Variants in GTF2IRD1 observed in about 807,000 individuals in gnomAD.
GTF2IRD1 encodes general transcription factor II-I repeat domain-containing protein 1.
A neutral mutation model predicts 113.2 loss-of-function variants in GTF2IRD1; 26 were observed. That is an observed-to-expected ratio of 0.23 (90% CI 0.17 to 0.32). The LOEUF (loss-of-function observed/expected upper bound fraction) is 0.32. GTF2IRD1 is among the 10% of genes least tolerant of loss of function. The probability of loss-of-function intolerance (pLI) is 1.00; values close to 1 mark genes in which losing one functional copy is unlikely to be tolerated. For missense variants in GTF2IRD1, 864 were observed against 1,280.8 expected (o/e 0.67, Z 4.97); for synonymous variants, 484 against 529.1 (o/e 0.91, Z 1.17).
chr7:74,504,023 T>C (rs1584540251), intron 1 of GTF2IRD1, among the ~76,000 whole-genome samples: 1 of 152,320 alleles, frequency 6.6e-6, no homozygotes, highest in East Asian at 1.9e-4. Context: ...GGTTTTCTGT[T>C]TCTATGTTAA....
chr7:74,515,388 C>T, intron 3 of GTF2IRD1, 53 bp from the exon 4 acceptor site: 2 of 1,548,780 alleles, frequency 1.3e-6, no homozygotes, highest in Non-Finnish European at 1.7e-6. Flanking sequence ...AGCTCGAAGG[C>T]CGGGTGGTGA....
chr7:74,544,663 C>G, intron 14 of GTF2IRD1, 92 bp from the exon 15 acceptor site: 1 of 1,323,790 alleles, frequency 7.6e-7, no homozygotes, highest in Admixed American at 1.8e-5. Flanking sequence ...GCCCCCTGGC[C>G]TGCCATTCCC....
intron 1 of GTF2IRD1, among the ~76,000 whole-genome samples, chr7:74,486,374 ATC>A (rs781789657): frequency 6.6e-5 from 10 of 151,946 alleles, no homozygotes; most frequent in Non-Finnish European, 1.5e-4. Context: ...GGCCTGCGCC[ATC>A]TCTCTCTCTC....
intron 9 of GTF2IRD1, among the ~76,000 whole-genome samples, chr7:74,532,635 A>G (rs1798031745): frequency 6.6e-6 from 1 of 151,908 alleles, no homozygotes; most frequent in South Asian, 2.1e-4. Flanking sequence ...CTCAGAAAGG[A>G]AGCCAGTTTT....
chr7:74,518,804 C>A (rs587673500), intron 5 of GTF2IRD1, among the ~76,000 whole-genome samples: 5 of 152,218 alleles, frequency 3.3e-5, no homozygotes, highest in African/African-American at 7.2e-5. Flanking sequence ...AGGAGGCTTG[C>A]TTGAGCCCAG....
At chr7:74,482,046 C>T (rs1279169729) in intron 1 of GTF2IRD1, among the ~76,000 whole-genome samples, 7 of 152,204 alleles carry the variant, frequency 4.6e-5, no homozygotes, top group South Asian at 4.1e-4. Context: ...AGCCCCTGCC[C>T]TAGTGACAGC....
At chr7:74,469,123 A>G (rs1027401307) in intron 1 of GTF2IRD1, among the ~76,000 whole-genome samples, 26 of 148,880 alleles carry the variant, frequency 1.7e-4, no homozygotes, top group Admixed American at 1.7e-3. Context: ...GGAGGATAGG[A>G]TGGGTACTTA....
At chr7:74,486,106 G>C in intron 1 of GTF2IRD1, among the ~76,000 whole-genome samples, 1 of 152,004 alleles carries the variant, frequency 6.6e-6, no homozygotes, top group Non-Finnish European at 1.5e-5. Flanking sequence ...GAGTAGCTGG[G>C]ATTATAGGTG....
intron 8 of GTF2IRD1, among the ~76,000 whole-genome samples, chr7:74,529,016 C>T (rs975515359): frequency 4.6e-5 from 7 of 150,970 alleles, no homozygotes; most frequent in African/African-American, 7.3e-5. Flanking sequence ...GATGGATAGA[C>T]GGACTGATGG....
intron 9 of GTF2IRD1, among the ~76,000 whole-genome samples, chr7:74,530,602 A>C (rs1424158166): frequency 6.7e-6 from 1 of 149,204 alleles, no homozygotes. Context: ...AAAAAAAAAA[A>C]AAAAAAAGGC....
chr7:74,548,899 C>A (rs1799119857), intron 17 of GTF2IRD1, among the ~76,000 whole-genome samples: 2 of 152,074 alleles, frequency 1.3e-5, no homozygotes, highest in Admixed American at 1.3e-4. Context: ...CAGAGCAAGA[C>A]TCTTCCTCAA....
intron 17 of GTF2IRD1, among the ~76,000 whole-genome samples, chr7:74,551,461 G>A (rs879966037): frequency 3.9e-5 from 6 of 152,224 alleles, no homozygotes; most frequent in Admixed American, 6.6e-5. Context: ...ATGCCACCAA[G>A]TCCTGCCCTG....
chr7:74,507,839 G>T (rs1796383107), intron 1 of GTF2IRD1, among the ~76,000 whole-genome samples: 1 of 152,298 alleles, frequency 6.6e-6, no homozygotes, highest in Non-Finnish European at 1.5e-5. Flanking sequence ...GCTCAGCTTG[G>T]GTGTGCAGAC....
At chr7:74,521,392 TGAAA>T (rs1159973625) in intron 7 of GTF2IRD1, 95 bp downstream of exon 7, 10 of 785,314 alleles carry the variant, frequency 1.3e-5, no homozygotes, top group Non-Finnish European at 2.2e-5. Context: ...TGGGTCTTTG[TGAAA>T]GAAAGGAGGA....
intron 14 of GTF2IRD1, among the ~76,000 whole-genome samples, chr7:74,541,599 C>G (rs1282677930): frequency 6.6e-6 from 1 of 151,914 alleles, no homozygotes; most frequent in Non-Finnish European, 1.5e-5. Context: ...GAGTAAGACC[C>G]TATCTTAAAA....
chr7:74,493,548 T>C (rs1795485387), intron 1 of GTF2IRD1, among the ~76,000 whole-genome samples: 1 of 152,152 alleles, frequency 6.6e-6, no homozygotes, highest in East Asian at 1.9e-4. Flanking sequence ...CTCTGGGGAT[T>C]AGGACATGGC....
At chr7:74,570,479 C>T (rs1800635545) in intron 22 of GTF2IRD1, among the ~76,000 whole-genome samples, 1 of 151,928 alleles carries the variant, frequency 6.6e-6, no homozygotes, top group Non-Finnish European at 1.5e-5. Flanking sequence ...CATAGTGAGA[C>T]CCTGTCTCTA....
At chr7:74,528,395 T>G (rs1171479419) in intron 8 of GTF2IRD1, among the ~76,000 whole-genome samples, 3 of 152,042 alleles carry the variant, frequency 2.0e-5, no homozygotes, top group Non-Finnish European at 4.4e-5. Flanking sequence ...TAGAGATGGC[T>G]TCTTACTGTG....
chr7:74,601,324 A>G, intron 26 of GTF2IRD1, 144 bp downstream of exon 26: 1 of 1,539,118 alleles, frequency 6.5e-7, no homozygotes, highest in East Asian at 2.4e-5. Context: ...CTCGGGGGTT[A>G]TAGATGCATC....
Sources: gnomAD v4.1 joint callset for allele counts (sites outside exome capture counted in the v4.1 genomes callset) on GRCh38, gnomAD v4.1.1 for gene constraint, MANE v1.5 for transcripts, NCBI Gene and HGNC (gene_info 2026-07-23, HGNC 2026-07-21) for gene names.